REV1: variants seen among roughly 807,000 people sequenced by gnomAD.
REV1 encodes the protein REV1 DNA directed polymerase, also known as translesion synthesis protein REV1.
Under a neutral mutation model 137.4 loss-of-function variants are expected in REV1, and 42 were observed. That is an observed-to-expected ratio of 0.31 (90% confidence interval 0.24 to 0.40). The LOEUF (loss-of-function observed/expected upper bound fraction) is 0.40. Ranked by LOEUF, REV1 falls within the 10% of genes least tolerant of loss-of-function variation. The pLI is 1.00. For synonymous variants in REV1, 524 were observed against 519.2 expected (o/e 1.01, Z -0.12); for missense variants, 1,282 against 1,490.1 (o/e 0.86, Z 2.30).
intron 2 of REV1, among the ~76,000 whole-genome samples, chr2:99,463,148 T>C (rs1684421145): frequency 6.6e-6 from 1 of 152,044 alleles, no homozygotes; most frequent in African/African-American, 2.4e-5. Flanking sequence ...AGAAGAATTT[T>C]CCCTCTATCA....
intron 7 of REV1, among the ~76,000 whole-genome samples, chr2:99,434,740 T>C (rs1680521679): frequency 6.6e-6 from 1 of 152,206 alleles, no homozygotes; most frequent in Non-Finnish European, 1.5e-5. Context: ...GATTTCGTAC[T>C]GTAGGAAAGA....
chr2:99,411,598 G>A (rs913663003), intron 13 of REV1, among the ~76,000 whole-genome samples: 2 of 151,444 alleles, frequency 1.3e-5, no homozygotes, highest in Non-Finnish European at 2.9e-5. Flanking sequence ...TAGTAGAGAC[G>A]GGGTTTCACC....
chr2:99,424,438 T>C, intron 9 of REV1, 158 bp from the exon 10 acceptor site: 9 of 777,778 alleles, frequency 1.2e-5, no homozygotes, highest in South Asian at 5.6e-5. Context: ...TTTACAGCCT[T>C]GTTTTCCCCC....
chr2:99,470,597 T>C (rs1191189480), intron 1 of REV1, among the ~76,000 whole-genome samples: 1 of 152,254 alleles, frequency 6.6e-6, no homozygotes, highest in Non-Finnish European at 1.5e-5. Context: ...TCATAGCCTG[T>C]TCCTCTTCCT....
In REV1 at chr2:99,489,943, A is replaced by C. The variant is rs1217519813; in HGVS notation, c.-137T>G. The C allele has an allele frequency of 6.7e-6, 1 of 148,922 alleles. No homozygotes were observed. Among genetic ancestry groups the C allele is most frequent in the African/African-American group, 2.5e-5 (1 of 40,728 alleles). 9.2% of individuals were successfully genotyped at this position (148,922 alleles called of 1,614,324 possible). ...AGGAGGGCCGGGGGAAGGCAGCCCCACCGCTGAGCAGCGCCGCGGTCCACG... is the reference window on the plus strand; with the variant it reads ...AGGAGGGCCGGGGGAAGGCAGCCCCCCCGCTGAGCAGCGCCGCGGTCCACG... On this transcript the variant is annotated 5_prime_UTR_variant, in exon 1 of 23. Coordinates refer to ENST00000258428, the MANE Select transcript of REV1 (RefSeq NM_016316.4).
chr2:99,464,576 C>T (rs1474262703), intron 2 of REV1, among the ~76,000 whole-genome samples: 3 of 152,166 alleles, frequency 2.0e-5, no homozygotes, highest in African/African-American at 7.2e-5. Flanking sequence ...AATGACTGTA[C>T]AGTGCTCCAC....
In REV1 at chr2:99,458,989, A is replaced by G. The variant is rs183918503; in HGVS notation, c.181+3507T>C. The stretch of plus-strand genomic sequence containing the variant: ...TTTGGGAGGCCAAGGTGGGCAGATC[A>G]CGAGGTCAGGAGATCAAGACCATAC... On this transcript the variant is annotated intron_variant, in intron 3 of 22. Transcript: ENST00000258428. Among the ~76,000 whole-genome samples the G allele has an allele frequency of 3.4e-3, 521 of 152,208 alleles. 2 individuals carry two copies. The highest frequency in any genetic ancestry group is 0.012 in the African/African-American group (494 of 41,536).
intron 9 of REV1, among the ~76,000 whole-genome samples, chr2:99,425,213 C>G (rs1679185993): frequency 6.6e-6 from 1 of 152,118 alleles, no homozygotes; most frequent in South Asian, 2.1e-4. Flanking sequence ...TTGCCAATTA[C>G]TCATAGGCCT....
At chr2:99,462,406 TA>T (rs1414523564) in intron 3 of REV1, 89 bp downstream of exon 3, 1 of 1,203,500 alleles carries the variant, frequency 8.3e-7, no homozygotes, top group African/African-American at 1.6e-5. Flanking sequence ...TTGTCTATAA[TA>T]AATGAGTAAA....
chr2:99,421,748 T>C, intron 10 of REV1, 95 bp from the exon 11 acceptor site: 1 of 1,310,054 alleles, frequency 7.6e-7, no homozygotes, highest in Non-Finnish European at 1.0e-6. Flanking sequence ...CTCTTTTTTC[T>C]ATTTCCTCAC....
intron 12 of REV1, among the ~76,000 whole-genome samples, chr2:99,414,045 C>T (rs1677528909): frequency 6.6e-6 from 1 of 152,156 alleles, no homozygotes; most frequent in Non-Finnish European, 1.5e-5. Context: ...GTCCCAGCTA[C>T]TTGGGAGGCT....
intron 1 of REV1, among the ~76,000 whole-genome samples, chr2:99,471,751 G>T (rs1685435671): frequency 6.6e-6 from 1 of 151,830 alleles, no homozygotes; most frequent in Non-Finnish European, 1.5e-5. Flanking sequence ...AAAAGGATCT[G>T]AACAGACACT....
chr2:99,480,033 A>C (rs754598738), intron 1 of REV1, among the ~76,000 whole-genome samples: 1 of 152,192 alleles, frequency 6.6e-6, no homozygotes, highest in Non-Finnish European at 1.5e-5. Flanking sequence ...TTAAAAACAT[A>C]AAAGGGCCGA....
At chr2:99,442,897 G>A (rs1036404783) in intron 4 of REV1, among the ~76,000 whole-genome samples, 1 of 152,138 alleles carries the variant, frequency 6.6e-6, no homozygotes, top group African/African-American at 2.4e-5. Flanking sequence ...CTATTTTTAT[G>A]TATACAAGAA....
At chr2:99,474,454 T>C (rs1221595956) in intron 1 of REV1, among the ~76,000 whole-genome samples, 2 of 152,224 alleles carry the variant, frequency 1.3e-5, no homozygotes, top group Non-Finnish European at 2.9e-5. Context: ...CTCCTATTGA[T>C]CTGAAGTAAC....
intron 12 of REV1, among the ~76,000 whole-genome samples, chr2:99,413,389 C>T (rs1484858702): frequency 2.0e-5 from 3 of 152,198 alleles, no homozygotes; most frequent in Non-Finnish European, 4.4e-5. Context: ...CCAAATCTCA[C>T]AGTGGTATCA....
rs146973454 is a variant in REV1 at position 99,442,343 on chromosome 2, A to G, written c.477T>C (p.Asn159=). 19 of 1,611,774 alleles carry G rather than the reference A, an allele frequency of 1.2e-5. No individual in the cohort carries two copies. The African/African-American group carries it at 2.1e-4, about 18-fold the overall frequency. ...CCCTGTTGTTGAGCTGTTTGGCTAT[A>G]TTGCTTGGACCTGGCAGAGGATCCT... ...RPEDPLPGPS[N]IAKQLNNRVN... Residue 159 remains asparagine (N), a synonymous_variant, in exon 5 of 23, where the codon AAT becomes AAC. Coordinates refer to ENST00000258428, the MANE Select transcript of REV1 (RefSeq NM_016316.4).
intron 9 of REV1, chr2:99,424,677 G>T: frequency 1.8e-6 from 2 of 1,090,636 alleles, no homozygotes. Flanking sequence ...GCACAGTTTG[G>T]CCAGGGTTCA....
rs1682654237 is a variant in REV1, at chr2:99,449,361, T to C, written c.325A>G (p.Ile109Val). The C allele has an allele frequency of 1.3e-6, 2 of 1,553,682 alleles. No homozygotes were observed. The highest frequency in any genetic ancestry group is 2.4e-5 in the East Asian group (1 of 41,886). The change falls in exon 4 of 23, where the codon ATT becomes GTT. Residue 109 changes from isoleucine (I) to valine (V), a missense_variant. This residue lies in a region of REV1 where 107 missense variants were observed against 164.3 expected (regional missense o/e 0.65). Coordinates refer to ENST00000258428, the MANE Select transcript of REV1 (RefSeq NM_016316.4). The stretch of plus-strand genomic sequence containing the variant: ...CTTTCCACAATCCATTCTGGTCGAA[T>C]TACTTTTTCCCCCTTTAATTCTTTA... ...KIKELKGEKVIRPEWIVESIK... is the reference protein window; with the variant it reads ...KIKELKGEKVVRPEWIVESIK...
Sources: gnomAD v4.1 joint callset for allele counts (sites outside exome capture counted in the v4.1 genomes callset) on GRCh38, gnomAD v4.1.1 for gene constraint, gnomAD v4.1.1 regional missense constraint, MANE v1.5 for transcripts, NCBI Gene and HGNC (gene_info 2026-07-23, HGNC 2026-07-21) for gene names.